The following CNBD1 variants were observed in gnomAD, a reference collection of about 807,000 sequenced individuals.
The protein encoded by CNBD1 is cyclic nucleotide-binding domain-containing protein 1.
Under a neutral mutation model 54.4 loss-of-function variants are expected in CNBD1, and 71 were observed. The observed-to-expected ratio is 1.30, with a 90% CI of 1.08 to 1.59. CNBD1 has a LOEUF of 1.59. Among genes scored for constraint, CNBD1 ranks in the 40% most tolerant of loss-of-function variants. The pLI, the probability that CNBD1 is intolerant of heterozygous loss-of-function variation, is 0.00. For synonymous variants in CNBD1, 182 were observed against 170.7 expected (o/e 1.07, Z -0.51); for missense variants, 659 against 518.0 (o/e 1.27, Z -2.64).
intron 6 of CNBD1, among the ~76,000 whole-genome samples, chr8:87,249,441 G>T (rs936815250): frequency 6.6e-6 from 1 of 152,082 alleles, no homozygotes; most frequent in African/African-American, 2.4e-5. Flanking sequence ...GACCCTTAGG[G>T]TAGAGGATGC....
chr8:87,092,376 T>C (rs1811223912), intron 4 of CNBD1, among the ~76,000 whole-genome samples: 1 of 145,522 alleles, frequency 6.9e-6, no homozygotes, highest in Non-Finnish European at 1.5e-5. Context: ...TGTATGTATG[T>C]GTGTGTGTGT....
At chr8:87,271,113 G>T (rs935585811) in intron 6 of CNBD1, among the ~76,000 whole-genome samples, 10 of 151,624 alleles carry the variant, frequency 6.6e-5, no homozygotes, top group African/African-American at 1.9e-4. Flanking sequence ...GATCTCAGTT[G>T]TTATGTCTCC....
intron 4 of CNBD1, among the ~76,000 whole-genome samples, chr8:87,137,054 ATATTATATTTATATT>A: frequency 7.8e-6 from 1 of 128,414 alleles, no homozygotes; most frequent in Non-Finnish European, 1.6e-5. Context: ...TAAATTATAT[ATATTATATTTATATT>A]CTATGTAAAT....
intron 4 of CNBD1, among the ~76,000 whole-genome samples, chr8:87,069,189 T>C (rs1361344010): frequency 1.3e-5 from 2 of 152,090 alleles, no homozygotes; most frequent in Non-Finnish European, 2.9e-5. Context: ...TATTATTTCA[T>C]CATTTATCTG....
intron 10 of CNBD1, among the ~76,000 whole-genome samples, chr8:87,362,813 GTTA>G (rs1050466047): frequency 2.0e-5 from 3 of 151,984 alleles, no homozygotes; most frequent in African/African-American, 4.8e-5. Flanking sequence ...TATTAAATAG[GTTA>G]TTATAGGTGA....
At position 86,969,841 on chromosome 8, in the gene CNBD1, G is replaced by A. The variant is rs191356612; in HGVS notation, c.431+30087G>A. On this transcript the variant is annotated intron_variant, in intron 4 of 10. Coordinates refer to ENST00000518476, the MANE Select transcript of CNBD1 (RefSeq NM_173538.3). Reference sequence around the variant, plus strand: ...ACACACATATATATAGTGTGTGTGCGTGCATGTGTATAAATCCTAAAATCA... The same window carrying A: ...ACACACATATATATAGTGTGTGTGCATGCATGTGTATAAATCCTAAAATCA... 1.3e-3 allele frequency among the ~76,000 whole-genome samples: 202 copies of A among 151,102 alleles called. 1 individual carries two copies. The highest frequency in any genetic ancestry group is 3.1e-3 in the African/African-American group (129 of 41,258).
In CNBD1 at chr8:87,208,214, C is replaced by T. The variant is rs114861091; in HGVS notation, c.577+2076C>T. Among the ~76,000 whole-genome samples, 1,390 of 152,202 alleles carry T rather than the reference C, an allele frequency of 9.1e-3. 35 individuals are homozygous for T. The highest frequency in any genetic ancestry group is 0.032 in the African/African-American group (1,338 of 41,534). On this transcript the variant is annotated intron_variant, in intron 5 of 10. Transcript: ENST00000518476. ...CTTTTCTGGCCACTAGTTCTTAAAG[C>T]CTCATTATTTAATAAAGCTTCCTAA...
chr8:86,922,039 G>A (rs1382003499), intron 3 of CNBD1, among the ~76,000 whole-genome samples: 1 of 152,064 alleles, frequency 6.6e-6, no homozygotes, highest in Non-Finnish European at 1.5e-5. Context: ...AGAAGCAGAG[G>A]AGGCTTTCTT....
At chr8:87,305,115 A>G (rs1180522594) in intron 8 of CNBD1, among the ~76,000 whole-genome samples, 1 of 152,132 alleles carries the variant, frequency 6.6e-6, no homozygotes, top group African/African-American at 2.4e-5. Flanking sequence ...ACCAACAATG[A>G]CTAAGTGAAG....
At chr8:87,292,810 C>T (rs1322355486) in intron 8 of CNBD1, among the ~76,000 whole-genome samples, 1 of 152,138 alleles carries the variant, frequency 6.6e-6, no homozygotes, top group Admixed American at 6.6e-5. Context: ...TGGTGATGAG[C>T]ATGGTGGTTC....
chr8:86,907,584 C>T (rs1261358479), intron 3 of CNBD1, among the ~76,000 whole-genome samples: 1 of 151,878 alleles, frequency 6.6e-6, no homozygotes, highest in Non-Finnish European at 1.5e-5. Flanking sequence ...AGGGGAATCA[C>T]TTGAACCCAG....
chr8:87,026,924 G>A (rs1415408477), intron 4 of CNBD1, among the ~76,000 whole-genome samples: 1 of 152,102 alleles, frequency 6.6e-6, no homozygotes, highest in Admixed American at 6.5e-5. Flanking sequence ...AAAATATCCA[G>A]CAAAGACAAA....
chr8:87,111,795 C>A (rs1393338828), intron 4 of CNBD1, among the ~76,000 whole-genome samples: 1 of 152,068 alleles, frequency 6.6e-6, no homozygotes, highest in African/African-American at 2.4e-5. Context: ...CCCCTCCCGC[C>A]CCCTGCATCC....
chr8:87,149,269 A>T (rs1200631828), intron 4 of CNBD1, among the ~76,000 whole-genome samples: 1 of 152,224 alleles, frequency 6.6e-6, no homozygotes, highest in Admixed American at 6.5e-5. Flanking sequence ...TTGTCACTGT[A>T]CTAGAGGAGA....
chr8:87,248,947 A>C (rs1807860294), intron 6 of CNBD1, among the ~76,000 whole-genome samples: 1 of 152,172 alleles, frequency 6.6e-6, no homozygotes, highest in African/African-American at 2.4e-5. Context: ...TCTGACTTAA[A>C]GCCTGCCACC....
chr8:87,328,412 GT>G (rs1809739702), intron 8 of CNBD1, among the ~76,000 whole-genome samples: 1 of 151,098 alleles, frequency 6.6e-6, no homozygotes, highest in Non-Finnish European at 1.5e-5. Context: ...TTTAAATTAT[GT>G]TTAATTTTTT....
intron 4 of CNBD1, among the ~76,000 whole-genome samples, chr8:87,178,976 C>T (rs1327153578): frequency 5.3e-5 from 8 of 152,138 alleles, no homozygotes; most frequent in Non-Finnish European, 7.4e-5. Flanking sequence ...GACGTGATCT[C>T]GGCTCACCGC....
intron 4 of CNBD1, among the ~76,000 whole-genome samples, chr8:87,077,430 T>TTTA (rs1436179653): frequency 1.3e-5 from 2 of 148,416 alleles, no homozygotes; most frequent in East Asian, 1.9e-4. Context: ...TTTTTTTTTT[T>TTTA]ATTATACTTT....
At chr8:87,414,746 G>A (rs1239540706) in intron 2 of CNBD1, among the ~76,000 whole-genome samples, 4 of 151,718 alleles carry the variant, frequency 2.6e-5, no homozygotes, top group Admixed American at 6.6e-5. Flanking sequence ...AAAATTACTG[G>A]TGTGACTTGA....
Sources: allele counts gnomAD v4.1 joint callset (sites outside exome capture counted in the v4.1 genomes callset), GRCh38; gene constraint gnomAD v4.1.1; transcripts MANE v1.5; gene names NCBI Gene and HGNC (gene_info 2026-07-23, HGNC 2026-07-21).